Variants in SOHLH1 observed in about 807,000 individuals in gnomAD.
SOHLH1 encodes the protein spermatogenesis and oogenesis specific basic helix-loop-helix 1.
Under a neutral mutation model 36.2 loss-of-function variants are expected in SOHLH1, and 23 were observed. The observed-to-expected ratio is 0.64, with a 90% confidence interval of 0.46 to 0.90. The LOEUF (loss-of-function observed/expected upper bound fraction) is 0.90. Among genes scored for constraint, SOHLH1 ranks in the 40% least tolerant of loss-of-function variants. The pLI, the probability that SOHLH1 is intolerant of heterozygous loss-of-function variation, is 0.00. For synonymous variants in SOHLH1, 289 were observed against 228.3 expected, an observed-to-expected ratio of 1.27 and a Z score of -2.40; for missense variants, 608 against 517.0, an observed-to-expected ratio of 1.18 and a Z score of -1.71.
intron 5 of SOHLH1, among the ~76,000 whole-genome samples, chr9:135,695,685 GCTCCCAGCCACA>G (rs750270501): frequency 2.0e-5 from 3 of 152,118 alleles, no homozygotes; most frequent in Non-Finnish European, 4.4e-5. Context: ...CTGCATGACT[GCTCCCAGCCACA>G]GCTGGGAGCC....
upstream of SOHLH1, among the ~76,000 whole-genome samples, chr9:135,700,702 G>C (rs1326649631): frequency 6.6e-6 from 1 of 152,332 alleles, no homozygotes; most frequent in East Asian, 1.9e-4. Flanking sequence ...AGCAGAGGGA[G>C]GTTATGTAAT....
At chr9:135,700,747 C>G (rs997726525), upstream of SOHLH1, among the ~76,000 whole-genome samples, 1 of 152,118 alleles carries the variant, frequency 6.6e-6, no homozygotes, top group Admixed American at 6.5e-5. Flanking sequence ...TCCGCCCAGC[C>G]TTGGCTGCAG....
At chr9:135,694,566 T>G in intron 6 of SOHLH1, 109 bp from the exon 7 acceptor site, 2 of 1,439,610 alleles carry the variant, frequency 1.4e-6, no homozygotes, top group Non-Finnish European at 1.9e-6. Context: ...TGCAAAGATC[T>G]AGGCACCACT....
intron 4 of SOHLH1, 38 bp from the exon 5 acceptor site, chr9:135,696,843 C>T: frequency 1.2e-6 from 2 of 1,607,786 alleles, no homozygotes; most frequent in Non-Finnish European, 1.7e-6. Context: ...TGGGTCTATT[C>T]CCCAGCCCCC....
upstream of SOHLH1, among the ~76,000 whole-genome samples, chr9:135,699,699 ACCCACTCTATGCCC>A (rs1488650626): frequency 2.0e-5 from 3 of 150,930 alleles, no homozygotes; most frequent in African/African-American, 7.4e-5. Flanking sequence ...CGGGGGGTCC[ACCCACTCTATGCCC>A]CCGCAGGACG....
chr9:135,694,258 T>C, intron 7 of SOHLH1, 129 bp downstream of exon 7: 4 of 1,535,904 alleles, frequency 2.6e-6, no homozygotes, highest in South Asian at 1.2e-5. Context: ...GCACCAACGG[T>C]GGAGAAAACG....
At position 135,693,647 on chromosome 9, in the gene SOHLH1, C is replaced by G. The variant is rs746910584; in HGVS notation, c.1114G>C (p.Ala372Pro). 1 of 1,587,526 alleles carries G rather than the reference C, an allele frequency of 6.3e-7. No individual in the cohort carries two copies. The highest frequency in any genetic ancestry group is 1.7e-4 in the Middle Eastern group (1 of 5,984). ...ATGCTCTCCACCTCGTCCTTCAGGG[C>G]CAGGCCTGCACAGTCCACATCCAGG... ...WGLDVDCAGL[A>P]LKDEVESIFP... Residue 372 changes from alanine (A) to proline (P), a missense_variant, in exon 8 of 8, where the codon GCC becomes CCC. Transcript: ENST00000425225.
chr9:135,696,760 ATCCAGGGACCAAGGACTT>A lies in SOHLH1; in HGVS notation c.495_512del (p.Glu165_Leu170del). 6.2e-7 allele frequency: 1 copy of A among 1,613,122 alleles called. No homozygotes were observed. The highest frequency in any genetic ancestry group is 1.7e-5 in the Admixed American group (1 of 60,026). On this transcript the variant is annotated inframe_deletion, in exon 5 of 8. Transcript: ENST00000425225. The stretch of plus-strand genomic sequence containing the variant: ...CGGGCTCTGGGCTGGCCGACGCTGG[ATCCAGGGACCAAGGACTT>A]TCCAGAAACGCCTTCACATCTGGGG...
rs770642443 is a variant in SOHLH1 at position 135,699,457 on chromosome 9, C to G, written c.11G>C (p.Arg4Pro). 6.2e-7 allele frequency: 1 copy of G among 1,612,066 alleles called. No individual in the cohort carries two copies. The highest frequency in any genetic ancestry group is 8.5e-7 in the Non-Finnish European group (1 of 1,179,766). Reference protein sequence around the residue: MASRCSEPYPEVSR... With the variant: MASPCSEPYPEVSR... The stretch of plus-strand genomic sequence containing the variant: ...GACCTCCGGGTAGGGCTCGGAGCAC[C>G]GGGACGCCATGAACTCGCAGCTGCG... Residue 4 changes from arginine to proline, a missense_variant, in exon 1 of 8, where the codon CGG (arginine) becomes CCG (proline). Coordinates refer to ENST00000425225, the MANE Select transcript of SOHLH1 (RefSeq NM_001101677.2).
At chr9:135,699,909 G>A (rs944384736), upstream of SOHLH1, among the ~76,000 whole-genome samples, 1 of 151,998 alleles carries the variant, frequency 6.6e-6, no homozygotes, top group African/African-American at 2.4e-5. Context: ...GCCCAGGCCT[G>A]GGGGACCCAG....
Position 135,698,316 on chromosome 9 carries a change from C to T in SOHLH1, c.345+13G>A, listed in dbSNP as rs1183118384. The T allele has an allele frequency of 1.2e-6, 2 of 1,612,948 alleles. No individual in the cohort carries two copies. The highest frequency in any genetic ancestry group is 1.7e-5 in the Admixed American group (1 of 60,020). On this transcript the variant is annotated intron_variant, in intron 3 of 7. Transcript: ENST00000425225. ...ATGCCGGAGGACTGACGGCGTCTAC[C>T]CTTACAACTCACAGCGTGCTGCTCC...
chr9:135,698,503 T>A (rs1224099093), intron 2 of SOHLH1, 27 bp from the exon 3 acceptor site: 2 of 1,612,622 alleles, frequency 1.2e-6, no homozygotes, highest in East Asian at 4.5e-5. Context: ...AACAAATACC[T>A]CTGGGCCCTC....
upstream of SOHLH1, among the ~76,000 whole-genome samples, chr9:135,700,040 G>A (rs574160681): frequency 1.9e-4 from 29 of 152,238 alleles, no homozygotes; most frequent in African/African-American, 7.0e-4. Flanking sequence ...CCACACTTCT[G>A]GGTCGCCCAG....
At chr9:135,697,406 G>T in intron 4 of SOHLH1, 100 bp downstream of exon 4, 1 of 1,535,736 alleles carries the variant, frequency 6.5e-7, no homozygotes. Flanking sequence ...GCCAAGCCGG[G>T]CCTCCAGGCC....
Position 135,695,194 on chromosome 9 carries a change from C to A in SOHLH1, c.731G>T (p.Trp244Leu), listed in dbSNP as rs763801290. 3 of 1,605,056 alleles carry A rather than the reference C, an allele frequency of 1.9e-6. No homozygotes were observed. The East Asian group carries it at 6.7e-5, about 36-fold the overall frequency. ...GGTCTGCTGCTGCGAGAACGGAGGC[C>A]AGGACAGGGGTGGCCTCACAGCCTT... ...LPKAVRPPLS[W>L]PPFSQQQTLP... The change falls in exon 6 of 8, where the codon TGG becomes TTG. Residue 244 changes from tryptophan (W) to leucine (L), a missense_variant. Transcript: ENST00000425225.
upstream of SOHLH1, among the ~76,000 whole-genome samples, chr9:135,700,789 G>T (rs949156454): frequency 1.3e-5 from 2 of 152,158 alleles, no homozygotes; most frequent in African/African-American, 4.8e-5. Context: ...GGTTGGAGAG[G>T]AGGGCAAAAG....
upstream of SOHLH1, among the ~76,000 whole-genome samples, chr9:135,700,163 G>A (rs1215816075): frequency 6.6e-6 from 1 of 152,168 alleles, no homozygotes; most frequent in Non-Finnish European, 1.5e-5. Context: ...CCCTGCCCAA[G>A]CACCATCCCC....
intron 4 of SOHLH1, 111 bp downstream of exon 4, chr9:135,697,395 G>A (rs1483844149): frequency 2.0e-6 from 3 of 1,507,184 alleles, no homozygotes; most frequent in East Asian, 2.4e-5. Flanking sequence ...CACCTGCGGA[G>A]GCCAAGCCGG....
At chr9:135,701,975 C>A (rs1452424873), upstream of SOHLH1, among the ~76,000 whole-genome samples, 2 of 152,044 alleles carry the variant, frequency 1.3e-5, no homozygotes, top group Non-Finnish European at 2.9e-5. Context: ...TTGACGAACC[C>A]CGTCCTGTTT....
Sources: gnomAD v4.1 joint callset for allele counts (sites outside exome capture counted in the v4.1 genomes callset) on GRCh38, gnomAD v4.1.1 for gene constraint, MANE v1.5 for transcripts, NCBI Gene and HGNC (gene_info 2026-07-23, HGNC 2026-07-21) for gene names.